SPAG9: variants seen among roughly 807,000 people sequenced by gnomAD.
SPAG9 encodes sperm associated antigen 9.
A neutral mutation model predicts 166.5 loss-of-function variants in SPAG9; 35 were observed. That is an observed-to-expected ratio of 0.21 (90% confidence interval 0.16 to 0.28). SPAG9 has a LOEUF of 0.28. Ranked by LOEUF, SPAG9 falls within the 10% of genes least tolerant of loss-of-function variation. The pLI is 1.00. For missense variants in SPAG9, 1,235 were observed against 1,603.3 expected (o/e 0.77, Z 3.92); for synonymous variants, 534 against 565.5 (o/e 0.94, Z 0.79).
At chr17:51,047,027 C>T (rs748859186) in intron 4 of SPAG9, 4 of 1,077,290 alleles carry the variant, frequency 3.7e-6, no homozygotes, top group African/African-American at 1.6e-5. Flanking sequence ...TTCAAACATG[C>T]CTCTCTGTAA....
At chr17:51,083,802 A>C (rs1211638339) in intron 1 of SPAG9, among the ~76,000 whole-genome samples, 1 of 151,960 alleles carries the variant, frequency 6.6e-6, no homozygotes, top group East Asian at 1.9e-4. Context: ...CCAATTTGGA[A>C]ATTTGATCCA....
rs1973294467 is a variant in SPAG9 at position 50,965,032 on chromosome 17, A to T, written c.*1240T>A. 6.5e-6 allele frequency: 1 copy of T among 153,158 alleles called. No homozygotes were observed. The highest frequency in any genetic ancestry group is 1.5e-5 in the Non-Finnish European group (1 of 68,790). The allele number at this position is 153,158 out of a possible 1,614,324, so 9.5% of individuals were successfully genotyped here. On this transcript the variant is annotated 3_prime_UTR_variant, in exon 30 of 30. Transcript: ENST00000262013. ...TGCCTCAGCCTCCTAAAGTGTTGGG[A>T]TTACAGGCGTGAGCCACCATGCCCA...
intron 2 of SPAG9, among the ~76,000 whole-genome samples, chr17:51,057,790 T>C (rs2144525918): frequency 6.6e-6 from 1 of 152,268 alleles, no homozygotes; most frequent in Admixed American, 6.5e-5. Context: ...GCCACACAAG[T>C]GTTGAATACA....
chr17:51,038,463 T>C (rs1191919623), intron 5 of SPAG9, among the ~76,000 whole-genome samples: 1 of 152,184 alleles, frequency 6.6e-6, no homozygotes, highest in African/African-American at 2.4e-5. Context: ...TTGAAATATA[T>C]AAATGCTACT....
intron 8 of SPAG9, among the ~76,000 whole-genome samples, chr17:51,018,267 C>CG (rs375584179): frequency 0.11 from 770 of 6,946 alleles, 9 homozygotes; most frequent in African/African-American, 0.29. Context: ...CGCTTGAACC[C>CG]GGGGGAGGGG....
chr17:51,042,019 G>C (rs2046858577), intron 4 of SPAG9, among the ~76,000 whole-genome samples: 1 of 152,150 alleles, frequency 6.6e-6, no homozygotes, highest in Non-Finnish European at 1.5e-5. Flanking sequence ...CTCCTTCTTT[G>C]GAAGTGAATC....
intron 10 of SPAG9, 66 bp downstream of exon 10, chr17:51,007,203 G>A: frequency 1.1e-6 from 1 of 906,870 alleles, no homozygotes; most frequent in South Asian, 1.5e-5. Flanking sequence ...TTAAAACGAT[G>A]AAGTGTCATT....
intron 2 of SPAG9, among the ~76,000 whole-genome samples, chr17:51,059,539 G>A (rs1477041550): frequency 6.6e-6 from 1 of 152,010 alleles, no homozygotes; most frequent in African/African-American, 2.4e-5. Context: ...GGATCACAAG[G>A]TCAGAAGTTC....
In SPAG9 at chr17:50,979,735, T is replaced by C; in HGVS notation, c.3409+11A>G. 2 of 1,602,360 alleles carry C rather than the reference T, an allele frequency of 1.2e-6. No homozygotes were observed. Among genetic ancestry groups the C allele is most frequent in the East Asian group, 2.2e-5 (1 of 44,554 alleles). On this transcript the variant is annotated intron_variant, in intron 26 of 29. Transcript: ENST00000262013. ...TTTGACTGGTAAAGATAAAACGCGT[T>C]GGAAGCTTACCTAACATTTTGCTTA...
chr17:50,987,278 T>G (rs1975120911), intron 21 of SPAG9, 41 bp from the exon 22 acceptor site: 7 of 1,560,876 alleles, frequency 4.5e-6, no homozygotes, highest in Non-Finnish European at 6.1e-6. Context: ...TGAGTATACT[T>G]AACTATCGTT....
chr17:51,005,071 C>T (rs776136010), intron 12 of SPAG9, 141 bp downstream of exon 12: 4 of 683,480 alleles, frequency 5.9e-6, no homozygotes, highest in Non-Finnish European at 9.9e-6. Flanking sequence ...GAAGCATGAG[C>T]TATCCTATTC....
In SPAG9 at chr17:50,989,616, T is replaced by A. The variant is rs775447121; in HGVS notation, c.2813+61A>T. The A allele has an allele frequency of 1.7e-5, 22 of 1,292,400 alleles. 1 individual carries two copies. The South Asian group carries it at 2.7e-4, about 16-fold the overall frequency. The allele number at this position is 1,292,400 out of a possible 1,614,324, so 80.1% of individuals were successfully genotyped here. ...AAATCTTTTGACTGTTTGAGATTAT[T>A]TTGGTTCCTTTTATTTGTGCACTTC... On this transcript the variant is annotated intron_variant, in intron 21 of 29. Coordinates refer to ENST00000262013, the MANE Select transcript of SPAG9 (RefSeq NM_001130528.3).
At chr17:50,972,231 C>T (rs186898618) in intron 28 of SPAG9, among the ~76,000 whole-genome samples, 2 of 152,302 alleles carry the variant, frequency 1.3e-5, no homozygotes, top group Non-Finnish European at 2.9e-5. Context: ...ATCTTTTGAT[C>T]TGAGAAGACA....
chr17:51,069,412 T>C (rs562680920), intron 2 of SPAG9, among the ~76,000 whole-genome samples: 2 of 152,144 alleles, frequency 1.3e-5, no homozygotes, highest in Non-Finnish European at 1.5e-5. Context: ...CCTGAATGTA[T>C]TTTTTTAGGT....
At position 51,019,896 on chromosome 17, in the gene SPAG9, G is replaced by A. The variant is rs142566381; in HGVS notation, c.1091+263C>T. ...ATAAATATATAAATTACCCACTCTGGTATTTTGCTATAGCAGTACAAAATA... is the reference window on the plus strand; with the variant it reads ...ATAAATATATAAATTACCCACTCTGATATTTTGCTATAGCAGTACAAAATA... On this transcript the variant is annotated intron_variant, in intron 8 of 29. Coordinates refer to ENST00000262013, the MANE Select transcript of SPAG9 (RefSeq NM_001130528.3). 1.7e-4 allele frequency among the ~76,000 whole-genome samples: 26 copies of A among 152,208 alleles called. No homozygotes were observed. In the East Asian group the frequency reaches 4.6e-3, roughly 27 times the overall value.
At chr17:51,091,280 A>AG (rs1487867821) in intron 1 of SPAG9, among the ~76,000 whole-genome samples, 2 of 151,792 alleles carry the variant, frequency 1.3e-5, no homozygotes, top group Non-Finnish European at 2.9e-5. Flanking sequence ...ATACAAAAAA[A>AG]AAAAAAAAAA....
chr17:51,082,017 C>T (rs1200812241), intron 1 of SPAG9, among the ~76,000 whole-genome samples: 1 of 152,184 alleles, frequency 6.6e-6, no homozygotes, highest in Non-Finnish European at 1.5e-5. Flanking sequence ...TCTCTACTTA[C>T]TTCCTTCACA....
intron 2 of SPAG9, among the ~76,000 whole-genome samples, chr17:51,061,732 C>T (rs1431271186): frequency 2.0e-5 from 3 of 150,732 alleles, no homozygotes; most frequent in Admixed American, 2.0e-4. Flanking sequence ...TTCACATAAG[C>T]TTAGGTTCAT....
intron 27 of SPAG9, chr17:50,976,762 A>C (rs1424527600): frequency 3.2e-5 from 6 of 186,442 alleles, no homozygotes; most frequent in African/African-American, 4.8e-5. Context: ...CTATCTGCTA[A>C]GGAGATATGA....
Sources: gnomAD v4.1 joint callset for allele counts (sites outside exome capture counted in the v4.1 genomes callset) on GRCh38, gnomAD v4.1.1 for gene constraint, MANE v1.5 for transcripts, NCBI Gene and HGNC (gene_info 2026-07-23, HGNC 2026-07-21) for gene names.